BCAS3: variants seen among roughly 807,000 people sequenced by gnomAD.
BCAS3 encodes BCAS4/BCAS3 fusion.
Under a neutral mutation model 116.1 loss-of-function variants are expected in BCAS3, and 53 were observed. The ratio of observed to expected loss-of-function variants is 0.46; its 90% CI spans 0.37 to 0.57. BCAS3 has a LOEUF of 0.57. Ranked by LOEUF, BCAS3 falls within the 20% of genes least tolerant of loss-of-function variation. The pLI, the probability that BCAS3 is intolerant of heterozygous loss-of-function variation, is 0.00. For synonymous variants in BCAS3, 391 were observed against 408.2 expected, an observed-to-expected ratio of 0.96 and a Z score of 0.51; for missense variants, 917 against 1,165.4, an observed-to-expected ratio of 0.79 and a Z score of 3.10.
At chr17:60,850,508 G>A (rs1417694509) in intron 7 of BCAS3, among the ~76,000 whole-genome samples, 4 of 151,472 alleles carry the variant, frequency 2.6e-5, no homozygotes, top group South Asian at 2.1e-4. Flanking sequence ...ACAGGCACCC[G>A]CCACCACACC....
intron 22 of BCAS3, among the ~76,000 whole-genome samples, chr17:61,338,606 C>T (rs1041810022): frequency 1.3e-5 from 2 of 151,820 alleles, no homozygotes; most frequent in African/African-American, 4.8e-5. Flanking sequence ...CATTGTTTGC[C>T]GAGTGGAGGT....
intron 22 of BCAS3, among the ~76,000 whole-genome samples, chr17:61,194,740 C>A (rs78996241): frequency 5.1e-3 from 619 of 122,528 alleles, no homozygotes; most frequent in Middle Eastern, 8.3e-3. Flanking sequence ...GACTCTGTCT[C>A]AAAAAAAAAA....
At chr17:60,844,290 G>T (rs187170835) in intron 7 of BCAS3, among the ~76,000 whole-genome samples, 1 of 152,220 alleles carries the variant, frequency 6.6e-6, no homozygotes, top group Non-Finnish European at 1.5e-5. Context: ...TAAATTTATC[G>T]AATGAATAAA....
intron 5 of BCAS3, among the ~76,000 whole-genome samples, chr17:60,744,109 T>C (rs1248869597): frequency 6.6e-6 from 1 of 152,210 alleles, no homozygotes; most frequent in African/African-American, 2.4e-5. Flanking sequence ...TGGAGAGGCT[T>C]TCTCCCTGTT....
intron 15 of BCAS3, among the ~76,000 whole-genome samples, chr17:61,010,476 G>A (rs935328839): frequency 1.5e-4 from 22 of 150,850 alleles, no homozygotes; most frequent in Non-Finnish European, 2.4e-4. Context: ...ACAAGAAGTT[G>A]TTTTCATAAT....
At chr17:60,958,111 G>A (rs866658615) in intron 14 of BCAS3, among the ~76,000 whole-genome samples, 1 of 152,214 alleles carries the variant, frequency 6.6e-6, no homozygotes, top group South Asian at 2.1e-4. Flanking sequence ...GGGAACCCTA[G>A]TGGAGCCTAG....
chr17:60,974,991 G>GTT lies in BCAS3; in HGVS notation c.1222-14980_1222-14979insTT, dbSNP rs72383171. On this transcript the variant is annotated intron_variant, in intron 14 of 23. Transcript: ENST00000407086. ...GCCATTTGTTTTTTTTGTTTTTTTT[G>GTT]CTTTTTTGTTTTTTTTTTTTTGAGA... 1.9e-4 allele frequency among the ~76,000 whole-genome samples: 27 copies of GTT among 141,742 alleles called. 1 individual carries two copies. The highest frequency in any genetic ancestry group is 7.8e-4 in the African/African-American group (26 of 33,194). 93.0% of individuals were successfully genotyped at this position (141,742 alleles called of 152,430 possible). A position where few individuals can be genotyped will look rare whatever the true frequency, so the allele number is the denominator to read the frequency against.
At chr17:61,025,398 C>G (rs2066168998) in intron 16 of BCAS3, among the ~76,000 whole-genome samples, 1 of 152,006 alleles carries the variant, frequency 6.6e-6, no homozygotes, top group Non-Finnish European at 1.5e-5. Flanking sequence ...AGATCCCAGC[C>G]AGACCCACAG....
rs934861571 is a variant in BCAS3 at position 61,226,411 on chromosome 17, C to T, written c.2425+141847C>T. Among the ~76,000 whole-genome samples the T allele has an allele frequency of 6.6e-6, 1 of 152,142 alleles. No individual in the cohort carries two copies. Among genetic ancestry groups the T allele is most frequent in the East Asian group, 1.9e-4 (1 of 5,186 alleles). On this transcript the variant is annotated intron_variant, in intron 22 of 23. Transcript: ENST00000407086. This position sits in a 1 kb window ranked among gnomAD's most constrained non-coding sequence, Gnocchi z 6.0. Reference sequence around the variant, plus strand: ...TGTATAGTTGAAGAAAGAATTAAGACATTTCAAACTTTTGTATGGAGATCT... The same window carrying T: ...TGTATAGTTGAAGAAAGAATTAAGATATTTCAAACTTTTGTATGGAGATCT...
rs1160727602 is a variant in BCAS3 at position 61,361,396 on chromosome 17, T to G, written c.2426-6931T>G. Among the ~76,000 whole-genome samples the G allele has an allele frequency of 1.3e-5, 2 of 152,122 alleles. No individual in the cohort carries two copies. The highest frequency in any genetic ancestry group is 2.4e-5 in the African/African-American group (1 of 41,430). On this transcript the variant is annotated intron_variant, in intron 22 of 23. Coordinates refer to ENST00000407086, the MANE Select transcript of BCAS3 (RefSeq NM_017679.5). The surrounding 1 kb of genome is among the most constrained non-coding windows in gnomAD (Gnocchi z 6.5). ...TGTTAGATTGCAAAGAAATTCTTAG[T>G]CCAATTGCCATTGAACTCCTTTTCC...
intron 10 of BCAS3, among the ~76,000 whole-genome samples, chr17:60,897,129 G>T (rs958768005): frequency 6.6e-6 from 1 of 152,114 alleles, no homozygotes; most frequent in African/African-American, 2.4e-5. Context: ...GAATTTGCTT[G>T]TTGGAAAAAA....
chr17:60,808,929 G>T (rs1302156219), intron 7 of BCAS3, among the ~76,000 whole-genome samples: 2 of 152,128 alleles, frequency 1.3e-5, no homozygotes, highest in African/African-American at 4.8e-5. Context: ...GAGAAGGACT[G>T]CCAGGGTAGG....
In BCAS3 at chr17:61,063,276, G is replaced by T. The variant is rs1473657629; in HGVS notation, c.2030-11644G>T. Among the ~76,000 whole-genome samples, 4 of 145,748 alleles carry T rather than the reference G, an allele frequency of 2.7e-5. No individual in the cohort carries two copies. Among genetic ancestry groups the T allele is most frequent in the African/African-American group, 1.0e-4 (4 of 39,994 alleles). On this transcript the variant is annotated intron_variant, in intron 19 of 23. Transcript: ENST00000407086. This position sits in a 1 kb window ranked among gnomAD's most constrained non-coding sequence, Gnocchi z 5.3. ...AGTTTTTTGTTTTTTTGTTGTTTTGGTTTTTTTTTTTGAGGCAGAGTCTTG... is the reference window on the plus strand; with the variant it reads ...AGTTTTTTGTTTTTTTGTTGTTTTGTTTTTTTTTTTTGAGGCAGAGTCTTG...
chr17:61,314,548 G>A (rs574308073), intron 22 of BCAS3, among the ~76,000 whole-genome samples: 27 of 152,302 alleles, frequency 1.8e-4, no homozygotes, highest in Admixed American at 5.2e-4. Flanking sequence ...TCTTGCCACT[G>A]ACTTTCCCCT....
chr17:61,352,341 C>A lies in BCAS3; in HGVS notation c.2426-15986C>A, dbSNP rs564318308. On this transcript the variant is annotated intron_variant, in intron 22 of 23. Transcript: ENST00000407086. The surrounding 1 kb of genome is among the most constrained non-coding windows in gnomAD (Gnocchi z 4.7). ...ATAAAAAGATAGGTTTCTTTGCACA[C>A]ACAAACACACCCTGGGCTGACTATA... 2.0e-5 allele frequency among the ~76,000 whole-genome samples: 3 copies of A among 152,328 alleles called. No homozygotes were observed. The highest frequency in any genetic ancestry group is 2.0e-4 in the Admixed American group (3 of 15,306).
chr17:60,737,687 A>G (rs1462319097), intron 5 of BCAS3, among the ~76,000 whole-genome samples: 1 of 151,734 alleles, frequency 6.6e-6, no homozygotes, highest in Non-Finnish European at 1.5e-5. Context: ...TTAATCTTCA[A>G]ATATTTGGTT....
rs1418176783 is a variant in BCAS3 at position 61,019,238 on chromosome 17, AT to A, written c.1637+3339del. 6.6e-6 allele frequency among the ~76,000 whole-genome samples: 1 copy of A among 152,132 alleles called. No individual in the cohort carries two copies. The highest frequency in any genetic ancestry group is 1.5e-5 in the Non-Finnish European group (1 of 68,018). ...GATTCTCGTTAAGAGTGCAAACCCTATTGTTGTGAACTACACATGTGAGGGA... is the reference window on the plus strand; with the variant it reads ...GATTCTCGTTAAGAGTGCAAACCCTATGTTGTGAACTACACATGTGAGGGA... On this transcript the variant is annotated intron_variant, in intron 16 of 23. Transcript: ENST00000407086. The surrounding 1 kb of genome is among the most constrained non-coding windows in gnomAD (Gnocchi z 5.6).
rs9905744 is a variant in BCAS3 at position 61,348,820 on chromosome 17, C to T, written c.2426-19507C>T. On this transcript the variant is annotated intron_variant, in intron 22 of 23. Transcript: ENST00000407086. This position sits in a 1 kb window ranked among gnomAD's most constrained non-coding sequence, Gnocchi z 4.5. The stretch of plus-strand genomic sequence containing the variant: ...GAGGCTGGAGTGCAGTGGCATGATA[C>T]CGGCTCACTGCAAGCTCCGCCTCCC... 0.84 allele frequency among the ~76,000 whole-genome samples: 125,705 copies of T among 149,934 alleles called. 54,109 individuals carry two copies. The highest frequency in any genetic ancestry group is 0.94 in the East Asian group (4,732 of 5,012).
In BCAS3 at chr17:61,381,098, T is replaced by G. The variant is rs2059584008; in HGVS notation, c.2594-10879T>G. ...AACACAAAATTCATTACTGATCACA[T>G]TACTTTCAACTCTGAAGCCAGCCTT... is the stretch of plus-strand genomic sequence containing the variant. On this transcript the variant is annotated intron_variant, in intron 23 of 23. Transcript: ENST00000407086. The surrounding 1 kb of genome is among the most constrained non-coding windows in gnomAD (Gnocchi z 6.0). Among the ~76,000 whole-genome samples the G allele has an allele frequency of 6.6e-6, 1 of 152,230 alleles. No homozygotes were observed. Among genetic ancestry groups the G allele is most frequent in the Admixed American group, 6.5e-5 (1 of 15,282 alleles).
Sources: allele counts gnomAD v4.1 joint callset (sites outside exome capture counted in the v4.1 genomes callset), GRCh38; gene constraint gnomAD v4.1.1; non-coding constraint Gnocchi (gnomAD v3.1); transcripts MANE v1.5; gene names NCBI Gene and HGNC (gene_info 2026-07-23, HGNC 2026-07-21).